Variants in VTI1A observed in about 807,000 individuals in gnomAD.
VTI1A encodes the protein vesicle transport through interaction with t-SNAREs homolog 1A.
In VTI1A, 22 loss-of-function variants were observed where a neutral mutation model predicts 34.9. The ratio of observed to expected loss-of-function variants is 0.63; its 90% confidence interval spans 0.45 to 0.90. The LOEUF (loss-of-function observed/expected upper bound fraction) is 0.90, where lower values mean the gene tolerates loss of function less well. Ranked by LOEUF, VTI1A falls within the 40% of genes least tolerant of loss-of-function variation. The pLI is 0.00. For synonymous variants in VTI1A, 87 were observed against 97.3 expected (o/e 0.89, Z 0.62); for missense variants, 268 against 275.6 (o/e 0.97, Z 0.20).
At chr10:112,506,933 T>A (rs1192291239) in intron 3 of VTI1A, among the ~76,000 whole-genome samples, 1 of 151,398 alleles carries the variant, frequency 6.6e-6, no homozygotes, top group Non-Finnish European at 1.5e-5. Context: ...TAAAGCTGTA[T>A]TTTTTTGGTT....
intron 5 of VTI1A, among the ~76,000 whole-genome samples, chr10:112,648,451 G>C (rs892963963): frequency 7.9e-5 from 12 of 152,162 alleles, no homozygotes; most frequent in African/African-American, 1.2e-4. Context: ...CTGGTACCAA[G>C]CTCAGTGCAC....
chr10:112,662,020 C>T (rs367603402), intron 5 of VTI1A, among the ~76,000 whole-genome samples: 20 of 152,124 alleles, frequency 1.3e-4, no homozygotes, highest in African/African-American at 4.8e-4. Context: ...GATCCACCTG[C>T]CTTGGCCTCC....
intron 5 of VTI1A, among the ~76,000 whole-genome samples, chr10:112,630,992 T>A (rs1846108556): frequency 6.6e-6 from 1 of 151,910 alleles, no homozygotes; most frequent in African/African-American, 2.4e-5. Context: ...CATGGTGGCA[T>A]GCACCTGTAA....
At chr10:112,473,721 T>C (rs889642531) in intron 3 of VTI1A, among the ~76,000 whole-genome samples, 2 of 152,226 alleles carry the variant, frequency 1.3e-5, no homozygotes, top group Non-Finnish European at 2.9e-5. Flanking sequence ...ACTTGTGTTC[T>C]TTCTCCATAT....
intron 7 of VTI1A, among the ~76,000 whole-genome samples, chr10:112,713,407 A>G (rs974316272): frequency 6.6e-6 from 1 of 152,254 alleles, no homozygotes; most frequent in Admixed American, 6.5e-5. Context: ...GCTAACTGCT[A>G]TATAAGCATT....
intron 3 of VTI1A, among the ~76,000 whole-genome samples, chr10:112,504,522 G>T (rs1228786135): frequency 6.6e-6 from 1 of 151,716 alleles, no homozygotes; most frequent in Non-Finnish European, 1.5e-5. Flanking sequence ...ATAGCTTAAT[G>T]GTCCCATTGT....
intron 7 of VTI1A, among the ~76,000 whole-genome samples, chr10:112,777,488 A>C (rs1428855125): frequency 6.6e-6 from 1 of 152,234 alleles, no homozygotes; most frequent in Non-Finnish European, 1.5e-5. Flanking sequence ...TTTGAGTCTG[A>C]CATAGAGCAC....
intron 3 of VTI1A, among the ~76,000 whole-genome samples, chr10:112,466,422 A>G (rs1342148014): frequency 6.6e-6 from 1 of 152,204 alleles, no homozygotes; most frequent in Non-Finnish European, 1.5e-5. Context: ...TATTAATTAA[A>G]AAAAATTAAA....
In VTI1A at chr10:112,447,296, C is replaced by T. The variant is rs1846873912; in HGVS notation, c.-78C>T. On this transcript the variant is annotated 5_prime_UTR_variant, in exon 1 of 8. Coordinates refer to ENST00000393077, the MANE Select transcript of VTI1A (RefSeq NM_145206.4). ...GGGGGCACCTTCCGGGGTTCCTAAGCCGCGGGGCCCCTCGCTGCCCCTCGA... is the reference window on the plus strand; with the variant it reads ...GGGGGCACCTTCCGGGGTTCCTAAGTCGCGGGGCCCCTCGCTGCCCCTCGA... 7 of 1,502,016 alleles carry T rather than the reference C, an allele frequency of 4.7e-6. No individual in the cohort carries two copies. Among genetic ancestry groups the T allele is most frequent in the African/African-American group, 1.4e-5 (1 of 72,388 alleles). The allele number at this position is 1,502,016 out of a possible 1,614,324, so 93.0% of individuals were successfully genotyped here.
intron 7 of VTI1A, among the ~76,000 whole-genome samples, chr10:112,784,662 C>G (rs1852229536): frequency 6.6e-6 from 1 of 152,168 alleles, no homozygotes; most frequent in African/African-American, 2.4e-5. Flanking sequence ...GTGTACTTAG[C>G]CTGTTCACAA....
the VTI1A span, chr10:112,832,526 T>C: frequency 6.6e-6 from 1 of 152,224 alleles, no homozygotes; most frequent in African/African-American, 2.4e-5. Flanking sequence ...CAGACTTACT[T>C]CTTCTCTTTC....
downstream of VTI1A, among the ~76,000 whole-genome samples, chr10:112,819,642 C>T (rs908117102): frequency 6.6e-6 from 1 of 152,160 alleles, no homozygotes; most frequent in African/African-American, 2.4e-5. Flanking sequence ...GATGGGCCTT[C>T]TGTCCTTTTT....
intron 7 of VTI1A, among the ~76,000 whole-genome samples, chr10:112,684,461 CAG>C (rs1053341186): frequency 8.6e-6 from 1 of 116,552 alleles, no homozygotes; most frequent in African/African-American, 3.5e-5. Context: ...TTTTTTGAGA[CAG>C]AGTCTCATTC....
At chr10:112,771,903 A>G (rs367958138) in intron 7 of VTI1A, among the ~76,000 whole-genome samples, 1 of 152,222 alleles carries the variant, frequency 6.6e-6, no homozygotes, top group East Asian at 1.9e-4. Flanking sequence ...TTACGGTCAA[A>G]TAGTATTCCA....
intron 7 of VTI1A, 87 bp downstream of exon 7, chr10:112,669,085 A>T: frequency 6.7e-7 from 1 of 1,489,248 alleles, no homozygotes; most frequent in Non-Finnish European, 9.3e-7. Flanking sequence ...GGCATATTAC[A>T]TGCTTTTGAG....
intron 3 of VTI1A, among the ~76,000 whole-genome samples, chr10:112,469,685 A>G (rs1213499236): frequency 6.6e-6 from 1 of 152,080 alleles, no homozygotes; most frequent in African/African-American, 2.4e-5. Flanking sequence ...TTGGAATTCC[A>G]TCTCTCTGCC....
chr10:112,814,404 C>T (rs1037478404), intron 7 of VTI1A, among the ~76,000 whole-genome samples: 2 of 152,210 alleles, frequency 1.3e-5, no homozygotes, highest in African/African-American at 4.8e-5. Context: ...GTGGGCACGG[C>T]TGTTTGACCT....
intron 3 of VTI1A, among the ~76,000 whole-genome samples, chr10:112,512,635 A>G (rs964563075): frequency 8.5e-5 from 13 of 152,120 alleles, no homozygotes; most frequent in African/African-American, 1.2e-4. Flanking sequence ...GATGTCCCCA[A>G]TAATTTTCCA....
At chr10:112,684,741 C>T (rs932931090) in intron 7 of VTI1A, among the ~76,000 whole-genome samples, 7 of 152,074 alleles carry the variant, frequency 4.6e-5, no homozygotes, top group African/African-American at 1.7e-4. Flanking sequence ...ACCCGGCCTG[C>T]TCATCTCTTT....
Sources: gnomAD v4.1 joint callset for allele counts (sites outside exome capture counted in the v4.1 genomes callset) on GRCh38, gnomAD v4.1.1 for gene constraint, MANE v1.5 for transcripts, NCBI Gene and HGNC (gene_info 2026-07-23, HGNC 2026-07-21) for gene names.